Variants in N4BP2 observed in about 807,000 individuals in gnomAD.
The protein encoded by N4BP2 is NEDD4-binding protein 2.
Under a neutral mutation model 152.8 loss-of-function variants are expected in N4BP2, and 91 were observed. The observed-to-expected ratio is 0.60, with a 90% CI of 0.50 to 0.71. N4BP2 has a LOEUF of 0.71. Among genes scored for constraint, N4BP2 ranks in the 30% least tolerant of loss-of-function variants. The pLI, the probability that N4BP2 is intolerant of heterozygous loss-of-function variation, is 0.00. For missense variants in N4BP2, 1,923 were observed against 2,059.1 expected (o/e 0.93, Z 1.28); for synonymous variants, 646 against 705.3 (o/e 0.92, Z 1.33).
chr4:40,177,436 T>TTTAGTA, the N4BP2 span, among the ~76,000 whole-genome samples: 1 of 152,100 alleles, frequency 6.6e-6, no homozygotes, highest in Non-Finnish European at 1.5e-5. Flanking sequence ...GCCAACATGG[T>TTTAGTA]GAAACCCCGT....
chr4:40,089,376 G>A (rs544010059), intron 2 of N4BP2, among the ~76,000 whole-genome samples: 54 of 150,710 alleles, frequency 3.6e-4, no homozygotes, highest in Non-Finnish European at 5.9e-4. Context: ...CATCCTTTTA[G>A]CCAGGTCTTT....
chr4:40,137,422 C>A (rs1012807828), intron 14 of N4BP2, among the ~76,000 whole-genome samples: 1 of 152,120 alleles, frequency 6.6e-6, no homozygotes, highest in Non-Finnish European at 1.5e-5. Flanking sequence ...TGGGAAAGTG[C>A]CAAATTTTTT....
chr4:40,134,945 T>TATTTTATTTTA (rs1160437212), intron 13 of N4BP2, among the ~76,000 whole-genome samples: 1 of 149,594 alleles, frequency 6.7e-6, no homozygotes, highest in Admixed American at 6.7e-5. Flanking sequence ...TATTTTATTT[T>TATTTTATTTTA]ATTTTATTTT....
At chr4:40,062,627 A>T (rs1312688927) in intron 1 of N4BP2, among the ~76,000 whole-genome samples, 1 of 140,458 alleles carries the variant, frequency 7.1e-6, no homozygotes, top group African/African-American at 2.7e-5. Context: ...CATGATTTGG[A>T]TCCTTATTGA....
At chr4:40,183,959 G>A in the N4BP2 span, among the ~76,000 whole-genome samples, 2 of 152,314 alleles carry the variant, frequency 1.3e-5, no homozygotes, top group East Asian at 3.9e-4. Context: ...CTGGTGAGGA[G>A]GACCTCTCCC....
At chr4:40,071,405 G>A (rs1712169021) in intron 1 of N4BP2, among the ~76,000 whole-genome samples, 1 of 152,110 alleles carries the variant, frequency 6.6e-6, no homozygotes, top group South Asian at 2.1e-4. Flanking sequence ...ACTGTTTCTA[G>A]TTAAGAGGCA....
chr4:40,117,260 AT>A (rs1359126131), intron 7 of N4BP2, among the ~76,000 whole-genome samples: 1 of 151,910 alleles, frequency 6.6e-6, no homozygotes, highest in Non-Finnish European at 1.5e-5. Context: ...TCTCTTTCAT[AT>A]TTTCTATCTC....
chr4:40,182,928 C>A, the N4BP2 span, among the ~76,000 whole-genome samples: 3 of 152,164 alleles, frequency 2.0e-5, no homozygotes, highest in Admixed American at 2.0e-4. Flanking sequence ...CTGCCCACCT[C>A]AGCCTCCCAA....
chr4:40,181,881 G>A, the N4BP2 span, among the ~76,000 whole-genome samples: 16,611 of 152,148 alleles, frequency 0.11, 1,325 homozygotes, highest in East Asian at 0.42. Context: ...CCCAGGTGGC[G>A]GAGGTTGCAG....
intron 2 of N4BP2, among the ~76,000 whole-genome samples, chr4:40,081,746 C>T (rs955486079): frequency 2.0e-5 from 3 of 151,902 alleles, no homozygotes; most frequent in Non-Finnish European, 2.9e-5. Flanking sequence ...GAGGCTGAGA[C>T]GGGTGGATTA....
At chr4:40,150,178 A>G (rs1721012096) in intron 16 of N4BP2, among the ~76,000 whole-genome samples, 1 of 152,214 alleles carries the variant, frequency 6.6e-6, no homozygotes, top group Admixed American at 6.5e-5. Context: ...TTTTTTAAAA[A>G]AGAGAGACAT....
chr4:40,121,764 C>T lies in N4BP2; in HGVS notation c.3653C>T (p.Thr1218Ile), dbSNP rs187508593. The T allele has an allele frequency of 6.2e-7, 1 of 1,613,858 alleles. No homozygotes were observed. The highest frequency in any genetic ancestry group is 1.7e-5 in the Admixed American group (1 of 59,906). The change falls in exon 9 of 18, where the codon ACA becomes ATA. Residue 1218 changes from threonine to isoleucine, a missense_variant. By Grantham distance (89) the Thr-to-Ile change is moderately conservative. Transcript: ENST00000261435. The stretch of plus-strand genomic sequence containing the variant: ...ACTCCTGAAAACCATGAATCGATGA[C>T]AAGTATATTTCCCAGTGCTGCTGTG... ...AVTPENHESM[T>I]SIFPSAAVGL...
intron 1 of N4BP2, among the ~76,000 whole-genome samples, chr4:40,064,610 A>C (rs1294488241): frequency 6.6e-6 from 1 of 152,108 alleles, no homozygotes; most frequent in Non-Finnish European, 1.5e-5. Context: ...TGCTAAATAA[A>C]ACACTTATCT....
At chr4:40,063,683 G>T (rs1408745600) in intron 1 of N4BP2, among the ~76,000 whole-genome samples, 1 of 151,886 alleles carries the variant, frequency 6.6e-6, no homozygotes, top group East Asian at 1.9e-4. Context: ...TGCTCTTGTT[G>T]CCCAGGCTGG....
intron 15 of N4BP2, among the ~76,000 whole-genome samples, chr4:40,143,175 G>A (rs1241478443): frequency 6.6e-6 from 1 of 152,062 alleles, no homozygotes; most frequent in Admixed American, 6.5e-5. Context: ...TGAGATTAAA[G>A]GGGTTTTGTG....
In N4BP2 at chr4:40,103,111, A is replaced by C; in HGVS notation, c.1266A>C (p.Val422=). Residue 422 remains valine, a synonymous_variant, in exon 4 of 18, where the codon GTA becomes GTC. Coordinates refer to ENST00000261435, the MANE Select transcript of N4BP2 (RefSeq NM_018177.6). ...AAGATGGAACAAGTGCTTATCAAGT[A>C]CAAGAAACCCCAGTTTCTCAGGTTG... ...RNKDGTSAYQ[V]QETPVSQVVR... The C allele has an allele frequency of 6.2e-7, 1 of 1,614,230 alleles. No individual in the cohort carries two copies. The highest frequency in any genetic ancestry group is 2.2e-5 in the East Asian group (1 of 44,890).
chr4:40,141,491 C>T lies in N4BP2; in HGVS notation c.4786-1182C>T, dbSNP rs1222825602. Among the ~76,000 whole-genome samples the T allele has an allele frequency of 8.8e-5, 13 of 148,204 alleles. No individual in the cohort carries two copies. The South Asian group carries it at 1.1e-3, about 13-fold the overall frequency. ...CGCTCCCCACATCTCAGACGATGGG[C>T]GGCCGGGCAGAGGCGCTCCTCACTT... On this transcript the variant is annotated intron_variant, in intron 14 of 17. Transcript: ENST00000261435.
rs749544300 is a variant in N4BP2, at chr4:40,103,109, G to A, written c.1264G>A (p.Val422Ile). ...RNKDGTSAYQVQETPVSQVVR... is the reference protein window; with the variant it reads ...RNKDGTSAYQIQETPVSQVVR... The stretch of plus-strand genomic sequence containing the variant: ...TAAAGATGGAACAAGTGCTTATCAA[G>A]TACAAGAAACCCCAGTTTCTCAGGT... Residue 422 changes from valine (V) to isoleucine (I), a missense_variant, in exon 4 of 18, where the codon GTA (valine) becomes ATA (isoleucine). Physicochemically the swap from Val to Ile is conservative, Grantham distance 29. Transcript: ENST00000261435. 9 of 1,614,154 alleles carry A rather than the reference G, an allele frequency of 5.6e-6. No individual in the cohort carries two copies. Among genetic ancestry groups the A allele is most frequent in the South Asian group, 1.1e-5 (1 of 91,082 alleles).
intron 12 of N4BP2, among the ~76,000 whole-genome samples, chr4:40,129,780 T>G (rs1157131742): frequency 2.0e-5 from 3 of 152,062 alleles, no homozygotes; most frequent in Non-Finnish European, 4.4e-5. Flanking sequence ...GCCAGATAAT[T>G]TCCTGATGCT....
Sources: gnomAD v4.1 joint callset for allele counts (sites outside exome capture counted in the v4.1 genomes callset) on GRCh38, gnomAD v4.1.1 for gene constraint, MANE v1.5 for transcripts, NCBI Gene and HGNC (gene_info 2026-07-23, HGNC 2026-07-21) for gene names.